Variants in GCNT2 observed in about 807,000 individuals in gnomAD.
The protein encoded by GCNT2 is glucosaminyl (N-acetyl) transferase 2 (I blood group).
Under a neutral mutation model 34.2 loss-of-function variants are expected in GCNT2, and 34 were observed. The ratio of observed to expected loss-of-function variants is 1.00; its 90% CI spans 0.76 to 1.32. The LOEUF is 1.32. Ranked by LOEUF, GCNT2 falls within the 40% of genes most tolerant of loss-of-function variation. The pLI is 0.00. For synonymous variants in GCNT2, 212 were observed against 188.0 expected, an observed-to-expected ratio of 1.13 and a Z score of -1.04; for missense variants, 584 against 489.4, an observed-to-expected ratio of 1.19 and a Z score of -1.82.
chr6:10,603,252 T>G (rs1765156622), intron 3 of GCNT2, among the ~76,000 whole-genome samples: 1 of 152,232 alleles, frequency 6.6e-6, no homozygotes, highest in Non-Finnish European at 1.5e-5. Context: ...TGTAAAAGGT[T>G]GTTTTCAATC....
At chr6:10,604,192 C>A (rs1765213878) in intron 3 of GCNT2, among the ~76,000 whole-genome samples, 1 of 152,102 alleles carries the variant, frequency 6.6e-6, no homozygotes, top group Non-Finnish European at 1.5e-5. Flanking sequence ...CCACCGCGCC[C>A]AGCCTATGCT....
intron 3 of GCNT2, among the ~76,000 whole-genome samples, chr6:10,591,827 A>G (rs917479352): frequency 6.6e-6 from 1 of 152,256 alleles, no homozygotes; most frequent in Non-Finnish European, 1.5e-5. Context: ...AAGAAACTCA[A>G]AACGTCTCTC....
intron 3 of GCNT2, among the ~76,000 whole-genome samples, chr6:10,551,678 C>T (rs544630274): frequency 3.3e-5 from 5 of 151,836 alleles, no homozygotes; most frequent in South Asian, 2.1e-4. Context: ...CTCCTGACCT[C>T]GTGATCCACC....
At chr6:10,535,130 G>T (rs753864772) in intron 3 of GCNT2, among the ~76,000 whole-genome samples, 11 of 152,138 alleles carry the variant, frequency 7.2e-5, no homozygotes, top group Non-Finnish European at 1.5e-4. Flanking sequence ...GTTGCAATGA[G>T]CCGAGATCGC....
intron 3 of GCNT2, among the ~76,000 whole-genome samples, chr6:10,616,384 C>T (rs1164166592): frequency 6.6e-6 from 1 of 152,194 alleles, no homozygotes; most frequent in African/African-American, 2.4e-5. Flanking sequence ...TGGAAAGCAA[C>T]CTAAACAGGG....
chr6:10,543,548 A>AT (rs1435334784), intron 3 of GCNT2, among the ~76,000 whole-genome samples: 1 of 152,156 alleles, frequency 6.6e-6, no homozygotes, highest in East Asian at 1.9e-4. Context: ...TTTCCAATGG[A>AT]TTGCAACATC....
At chr6:10,596,184 C>A (rs1412358754) in intron 3 of GCNT2, among the ~76,000 whole-genome samples, 1 of 152,148 alleles carries the variant, frequency 6.6e-6, no homozygotes, top group African/African-American at 2.4e-5. Flanking sequence ...TCTACAAGCA[C>A]AAGCTCTTTA....
chr6:10,586,836 G>C, intron 3 of GCNT2: 1 of 1,612,680 alleles, frequency 6.2e-7, no homozygotes. Flanking sequence ...TGACCAAAGG[G>C]CCATTGATCT....
intron 3 of GCNT2, among the ~76,000 whole-genome samples, chr6:10,614,821 CA>C (rs1412239050): frequency 6.6e-6 from 1 of 152,086 alleles, no homozygotes; most frequent in African/African-American, 2.4e-5. Flanking sequence ...TCAATGGGGC[CA>C]CCCTTGCATT....
intron 3 of GCNT2, among the ~76,000 whole-genome samples, chr6:10,603,964 T>C (rs6932401): frequency 0.44 from 67,020 of 150,766 alleles, 16,585 homozygotes; most frequent in East Asian, 0.64. Flanking sequence ...GGTGCAATCT[T>C]GGCTCACTGC....
At chr6:10,606,718 G>T (rs745454140) in intron 3 of GCNT2, among the ~76,000 whole-genome samples, 3 of 147,748 alleles carry the variant, frequency 2.0e-5, no homozygotes, top group Non-Finnish European at 3.0e-5. Context: ...CCCAGCAGTG[G>T]TCATAAAAGT....
chr6:10,586,456 CAG>C, intron 3 of GCNT2: 1 of 1,614,152 alleles, frequency 6.2e-7, no homozygotes. Flanking sequence ...GCTTCAAAGA[CAG>C]AGTCTGTGGT....
At chr6:10,612,315 C>T (rs1246448761) in intron 3 of GCNT2, among the ~76,000 whole-genome samples, 1 of 152,064 alleles carries the variant, frequency 6.6e-6, no homozygotes, top group Non-Finnish European at 1.5e-5. Flanking sequence ...TTAGATCAAT[C>T]ATTCTTAACC....
chr6:10,582,132 CAT>C (rs1183018674), intron 3 of GCNT2, among the ~76,000 whole-genome samples: 2 of 133,034 alleles, frequency 1.5e-5, no homozygotes, highest in East Asian at 2.1e-4. Flanking sequence ...TTTATAAATG[CAT>C]ATATGATATA....
At chr6:10,536,759 A>G (rs1242065453) in intron 3 of GCNT2, among the ~76,000 whole-genome samples, 1 of 144,856 alleles carries the variant, frequency 6.9e-6, no homozygotes, top group Non-Finnish European at 1.5e-5. Flanking sequence ...GCTGGAGTAC[A>G]GTGGCGCAAT....
chr6:10,611,036 A>G (rs1765527059), intron 3 of GCNT2, among the ~76,000 whole-genome samples: 2 of 152,168 alleles, frequency 1.3e-5, no homozygotes, highest in Non-Finnish European at 2.9e-5. Flanking sequence ...CTACAAAACT[A>G]GAAACATCCA....
In GCNT2 at chr6:10,582,357, AAATAT is replaced by A. The variant is rs1420667691; in HGVS notation, c.926-38987_926-38983del. On this transcript the variant is annotated intron_variant, in intron 3 of 4. Transcript: ENST00000495262. ...ATACTATATAATATATAGTAATATT[AAATAT>A]AATATATACTATAATTTAATATTTA... 1.8e-3 allele frequency among the ~76,000 whole-genome samples: 187 copies of A among 106,402 alleles called. 1 individual carries two copies. Among genetic ancestry groups the A allele is most frequent in the South Asian group, 3.6e-3 (15 of 4,216 alleles). The allele number at this position is 106,402 out of a possible 152,430, so 69.8% of individuals were successfully genotyped here.
At chr6:10,593,470 A>T in intron 3 of GCNT2, among the ~76,000 whole-genome samples, 1 of 152,062 alleles carries the variant, frequency 6.6e-6, no homozygotes, top group Non-Finnish European at 1.5e-5. Flanking sequence ...GCCAAGTAGC[A>T]AGGACTACAG....
chr6:10,543,243 G>A (rs1226007), intron 3 of GCNT2, among the ~76,000 whole-genome samples: 22,903 of 149,316 alleles, frequency 0.15, 2,267 homozygotes, highest in African/African-American at 0.29. Flanking sequence ...TCGCTCTGTC[G>A]CCCAGGCTGA....
Sources: allele counts gnomAD v4.1 joint callset (sites outside exome capture counted in the v4.1 genomes callset), GRCh38; gene constraint gnomAD v4.1.1; transcripts MANE v1.5; gene names NCBI Gene and HGNC (gene_info 2026-07-23, HGNC 2026-07-21).